The following FMNL2 variants were observed in gnomAD, a reference collection of about 807,000 sequenced individuals.
FMNL2 encodes formin-like protein 2.
In FMNL2, 51 loss-of-function variants were observed where a neutral mutation model predicts 130.2. The observed-to-expected ratio is 0.39, with a 90% CI of 0.31 to 0.49. The LOEUF (loss-of-function observed/expected upper bound fraction) is 0.49, where lower values mean the gene tolerates loss of function less well. FMNL2 is among the 20% of genes least tolerant of loss of function. The pLI, the probability that FMNL2 is intolerant of heterozygous loss-of-function variation, is 0.85. For missense variants in FMNL2, 977 were observed against 1,316.2 expected, an observed-to-expected ratio of 0.74 and a Z score of 3.99; for synonymous variants, 465 against 467.1, an observed-to-expected ratio of 1.00 and a Z score of 0.06.
intron 1 of FMNL2, among the ~76,000 whole-genome samples, chr2:152,337,498 A>G (rs950408339): frequency 2.0e-5 from 3 of 151,794 alleles, no homozygotes; most frequent in African/African-American, 4.8e-5. Flanking sequence ...CAATAATGCA[A>G]TTAAGTTCTG....
At chr2:152,597,413 T>G (rs960951001) in intron 9 of FMNL2, among the ~76,000 whole-genome samples, 5 of 152,194 alleles carry the variant, frequency 3.3e-5, no homozygotes, top group African/African-American at 1.2e-4. Flanking sequence ...CAGAAATGCT[T>G]TATGCAGACT....
intron 15 of FMNL2, among the ~76,000 whole-genome samples, chr2:152,620,605 A>G (rs1390543824): frequency 6.6e-6 from 1 of 152,170 alleles, no homozygotes; most frequent in African/African-American, 2.4e-5. Flanking sequence ...ATAAAGAACT[A>G]CCACTCTAAT....
At chr2:152,418,418 C>T (rs1686732237) in intron 1 of FMNL2, among the ~76,000 whole-genome samples, 1 of 152,074 alleles carries the variant, frequency 6.6e-6, no homozygotes, top group South Asian at 2.1e-4. Context: ...TTTTCATGTT[C>T]CCAAACTGAA....
chr2:152,362,296 AAGTAC>A (rs1683223936), intron 1 of FMNL2, among the ~76,000 whole-genome samples: 1 of 152,208 alleles, frequency 6.6e-6, no homozygotes, highest in African/African-American at 2.4e-5. Flanking sequence ...GGATGATATC[AAGTAC>A]AGTGTAAAGA....
chr2:152,620,003 C>T (rs1372595137), intron 15 of FMNL2, among the ~76,000 whole-genome samples: 1 of 152,056 alleles, frequency 6.6e-6, no homozygotes, highest in East Asian at 1.9e-4. Flanking sequence ...GGAAGAGAGA[C>T]AAGCTACCTG....
chr2:152,488,476 A>C (rs1384509175), intron 1 of FMNL2, among the ~76,000 whole-genome samples: 3 of 152,222 alleles, frequency 2.0e-5, no homozygotes, highest in Non-Finnish European at 4.4e-5. Flanking sequence ...CACAAGAAAA[A>C]CTGAGATAAC....
At chr2:152,623,834 T>C (rs1259566210) in intron 15 of FMNL2, among the ~76,000 whole-genome samples, 1 of 152,022 alleles carries the variant, frequency 6.6e-6, no homozygotes, top group East Asian at 2.0e-4. Flanking sequence ...TTTGGCATAT[T>C]CCCGCACAGT....
chr2:152,568,201 G>A (rs781213379), intron 6 of FMNL2, among the ~76,000 whole-genome samples: 4 of 78,296 alleles, frequency 5.1e-5, no homozygotes, highest in Admixed American at 3.3e-4. Flanking sequence ...GGTGAGCAAC[G>A]GCTTCCATTT....
At chr2:152,356,640 G>T (rs1199384627) in intron 1 of FMNL2, among the ~76,000 whole-genome samples, 4 of 152,082 alleles carry the variant, frequency 2.6e-5, no homozygotes, top group African/African-American at 9.7e-5. Flanking sequence ...CTCAGCTGAG[G>T]TTGAACAAGG....
At chr2:152,491,766 C>T (rs1014896113) in intron 1 of FMNL2, among the ~76,000 whole-genome samples, 2 of 152,274 alleles carry the variant, frequency 1.3e-5, no homozygotes, top group South Asian at 2.1e-4. Context: ...GCCTGGCCAA[C>T]ATGGTGAAAC....
Position 152,620,460 on chromosome 2 carries a change from C to T in FMNL2, c.1837+742C>T, listed in dbSNP as rs145549044. The stretch of plus-strand genomic sequence containing the variant: ...TTTTGACTCACGGAAACAAAGATGA[C>T]GCTACGAGCCGTTTTCTCAGTCCTG... On this transcript the variant is annotated intron_variant, in intron 15 of 25. Coordinates refer to ENST00000288670, the MANE Select transcript of FMNL2 (RefSeq NM_052905.4). Among the ~76,000 whole-genome samples the T allele has an allele frequency of 6.0e-3, 910 of 152,202 alleles. 7 individuals are homozygous for T. The highest frequency in any genetic ancestry group is 0.021 in the African/African-American group (861 of 41,526).
chr2:152,552,476 G>A (rs374445371), intron 4 of FMNL2, among the ~76,000 whole-genome samples: 1 of 152,242 alleles, frequency 6.6e-6, no homozygotes, highest in Non-Finnish European at 1.5e-5. Flanking sequence ...GCTTTTCAAC[G>A]TTAAAGACTT....
At chr2:152,554,484 A>G (rs766372823) in intron 4 of FMNL2, among the ~76,000 whole-genome samples, 27 of 152,348 alleles carry the variant, frequency 1.8e-4, no homozygotes, top group Non-Finnish European at 3.8e-4. Context: ...ATTTGTTAAC[A>G]TCATGTTGGT....
chr2:152,582,780 G>C (rs569049883), intron 9 of FMNL2, among the ~76,000 whole-genome samples: 6 of 152,212 alleles, frequency 3.9e-5, no homozygotes, highest in African/African-American at 1.4e-4. Flanking sequence ...TTTATCATTA[G>C]GTCATATTTG....
intron 1 of FMNL2, among the ~76,000 whole-genome samples, chr2:152,446,765 T>C (rs1004047115): frequency 6.6e-6 from 1 of 152,222 alleles, no homozygotes; most frequent in African/African-American, 2.4e-5. Flanking sequence ...CGTATGTGTG[T>C]ATGGTGTTTA....
At chr2:152,352,765 C>G (rs1682573211) in intron 1 of FMNL2, among the ~76,000 whole-genome samples, 1 of 150,294 alleles carries the variant, frequency 6.7e-6, no homozygotes, top group East Asian at 2.0e-4. Context: ...TCTGAAGGCT[C>G]TCTTTCAGAC....
At chr2:152,405,377 G>C (rs1310233245) in intron 1 of FMNL2, among the ~76,000 whole-genome samples, 1 of 152,156 alleles carries the variant, frequency 6.6e-6, no homozygotes, top group Non-Finnish European at 1.5e-5. Flanking sequence ...CCAGTACCTA[G>C]AATGTCAACA....
chr2:152,381,772 A>C (rs145578610), intron 1 of FMNL2, among the ~76,000 whole-genome samples: 1 of 151,864 alleles, frequency 6.6e-6, no homozygotes, highest in African/African-American at 2.4e-5. Flanking sequence ...AAACTCGATA[A>C]CTCTTGATTA....
At chr2:152,343,159 G>C (rs894933355) in intron 1 of FMNL2, among the ~76,000 whole-genome samples, 2 of 152,132 alleles carry the variant, frequency 1.3e-5, no homozygotes, top group Non-Finnish European at 2.9e-5. Flanking sequence ...GTAAGCCCCT[G>C]TAACCATTGC....
Sources: allele counts gnomAD v4.1 joint callset (sites outside exome capture counted in the v4.1 genomes callset), GRCh38; gene constraint gnomAD v4.1.1; transcripts MANE v1.5; gene names NCBI Gene and HGNC (gene_info 2026-07-23, HGNC 2026-07-21).